ATP9B: variants seen among roughly 807,000 people sequenced by gnomAD.
ATP9B encodes ATPase phospholipid transporting 9B.
In ATP9B, 110 loss-of-function variants were observed where a neutral mutation model predicts 146.1. The observed-to-expected ratio is 0.75, with a 90% CI of 0.65 to 0.88. The LOEUF is 0.88. Ranked by LOEUF, ATP9B falls within the 40% of genes least tolerant of loss-of-function variation. ATP9B has a pLI of 0.00. For missense variants in ATP9B, 1,499 were observed against 1,496.4 expected, an observed-to-expected ratio of 1.00 and a Z score of -0.03; for synonymous variants, 604 against 569.7, an observed-to-expected ratio of 1.06 and a Z score of -0.86.
intron 15 of ATP9B, among the ~76,000 whole-genome samples, chr18:79,319,336 AAT>A (rs1248829997): frequency 3.9e-5 from 6 of 152,234 alleles, no homozygotes; most frequent in Non-Finnish European, 7.3e-5. Context: ...AATGTGAGTG[AAT>A]AGAGAGGGAA....
chr18:79,282,491 C>T (rs2096388419), intron 13 of ATP9B, among the ~76,000 whole-genome samples: 1 of 152,176 alleles, frequency 6.6e-6, no homozygotes, highest in African/African-American at 2.4e-5. Context: ...TAAGACAAGA[C>T]CCTCTACCAG....
intron 15 of ATP9B, among the ~76,000 whole-genome samples, chr18:79,327,713 T>C (rs1600055390): frequency 9.8e-6 from 1 of 102,022 alleles, no homozygotes; most frequent in South Asian, 3.9e-4. Context: ...GCTCTCTCCA[T>C]GGTTAGCGTG....
Position 79,317,376 on chromosome 18 carries a change from AG to A in ATP9B, c.1773+10144del, listed in dbSNP as rs367616241. ...AAATAAAGATAAGCCAGAGACTTGT[AG>A]GAAATGTTTGCAGAATACTTACCTG... On this transcript the variant is annotated intron_variant, in intron 15 of 29. Coordinates refer to ENST00000426216, the MANE Select transcript of ATP9B (RefSeq NM_198531.5). 1.2e-3 allele frequency among the ~76,000 whole-genome samples: 183 copies of A among 152,354 alleles called. 2 individuals are homozygous for A. The highest frequency in any genetic ancestry group is 4.2e-3 in the African/African-American group (173 of 41,576).
chr18:79,289,121 T>A (rs549422862), intron 13 of ATP9B, among the ~76,000 whole-genome samples: 1 of 152,138 alleles, frequency 6.6e-6, no homozygotes, highest in African/African-American at 2.4e-5. Context: ...AGGAGTATCT[T>A]TGTGGAGTTC....
chr18:79,090,015 CAT>C (rs951176992), intron 1 of ATP9B, among the ~76,000 whole-genome samples: 4 of 152,180 alleles, frequency 2.6e-5, no homozygotes, highest in African/African-American at 9.6e-5. Context: ...TGAGTGAGAA[CAT>C]GTGATATTTA....
At chr18:79,304,507 A>C (rs958310458) in intron 14 of ATP9B, among the ~76,000 whole-genome samples, 2 of 152,186 alleles carry the variant, frequency 1.3e-5, no homozygotes, top group South Asian at 4.1e-4. Context: ...AAAAGCTTCA[A>C]GTTTTAGAAC....
At chr18:79,321,102 G>C (rs903246518) in intron 15 of ATP9B, among the ~76,000 whole-genome samples, 2 of 152,148 alleles carry the variant, frequency 1.3e-5, no homozygotes, top group Non-Finnish European at 2.9e-5. Context: ...CTATATTTCA[G>C]ATATACCAAG....
chr18:79,216,623 G>A (rs1171966926), intron 11 of ATP9B, among the ~76,000 whole-genome samples: 1 of 152,198 alleles, frequency 6.6e-6, no homozygotes, highest in Non-Finnish European at 1.5e-5. Context: ...AGGAGGTTCT[G>A]TACTGTCAGC....
intron 11 of ATP9B, among the ~76,000 whole-genome samples, chr18:79,249,017 G>A (rs1007876760): frequency 6.6e-6 from 1 of 151,554 alleles, no homozygotes; most frequent in Non-Finnish European, 1.5e-5. Flanking sequence ...ATTTTGAGAT[G>A]GTTTGAAGTG....
At chr18:79,315,296 T>C (rs1328309473) in intron 15 of ATP9B, among the ~76,000 whole-genome samples, 1 of 152,222 alleles carries the variant, frequency 6.6e-6, no homozygotes, top group Admixed American at 6.5e-5. Context: ...TGTGGGGTTT[T>C]GTCAGATATA....
Position 79,159,220 on chromosome 18 carries a change from A to T in ATP9B, c.778+4665A>T, listed in dbSNP as rs372307037. On this transcript the variant is annotated intron_variant, in intron 7 of 29. Transcript: ENST00000426216. ...TTCTGTCAATCTGCTTGTTTAAAAA[A>T]TCAGCTTTAGTTAGGAAAATTCACA... 4.8e-3 allele frequency among the ~76,000 whole-genome samples: 725 copies of T among 152,326 alleles called. 5 individuals are homozygous for T. Among genetic ancestry groups the T allele is most frequent in the South Asian group, 0.024 (117 of 4,828 alleles).
chr18:79,137,099 AT>A (rs1293786672), intron 5 of ATP9B, among the ~76,000 whole-genome samples: 1 of 152,122 alleles, frequency 6.6e-6, no homozygotes, highest in Non-Finnish European at 1.5e-5. Context: ...CTTTAATTTC[AT>A]TTGTTGTATT....
intron 12 of ATP9B, chr18:79,254,817 T>G (rs1289495531): frequency 6.6e-6 from 1 of 152,612 alleles, no homozygotes; most frequent in Non-Finnish European, 1.5e-5. Context: ...ATGGCTGGGC[T>G]TGTCTTGTCA....
At chr18:79,089,760 TTG>T (rs1424553941) in intron 1 of ATP9B, among the ~76,000 whole-genome samples, 1 of 152,266 alleles carries the variant, frequency 6.6e-6, no homozygotes, top group African/African-American at 2.4e-5. Flanking sequence ...TATCATTTCT[TTG>T]TGTTAGGAAC....
rs1363211873 is a variant in ATP9B at position 79,347,697 on chromosome 18, C to T, written c.2683-73C>T. 4 of 1,454,006 alleles carry T rather than the reference C, an allele frequency of 2.8e-6. No homozygotes were observed. The East Asian group carries it at 9.9e-5, about 36-fold the overall frequency. The allele number at this position is 1,454,006 out of a possible 1,614,324, so 90.1% of individuals were successfully genotyped here. A position where few individuals can be genotyped will look rare whatever the true frequency, so the allele number is the denominator to read the frequency against. On this transcript the variant is annotated intron_variant, in intron 23 of 29. Transcript: ENST00000426216. ...GTCTTTGTAACATTTAGGCTGAGTT[C>T]TAAAACTCACTTTTGGAGTCTGATT... is the stretch of plus-strand genomic sequence containing the variant.
intron 13 of ATP9B, among the ~76,000 whole-genome samples, chr18:79,299,119 C>T (rs548108998): frequency 7.2e-5 from 11 of 152,000 alleles, no homozygotes; most frequent in African/African-American, 2.4e-4. Context: ...TTCTTTCCCC[C>T]ACATTTGACC....
intron 11 of ATP9B, among the ~76,000 whole-genome samples, chr18:79,237,029 G>A (rs1468568505): frequency 2.7e-5 from 1 of 36,400 alleles, no homozygotes; most frequent in South Asian, 1.0e-3. Flanking sequence ...GTCCGTGCAC[G>A]AGTCAGTGTC....
At chr18:79,135,207 A>G (rs988957795) in intron 5 of ATP9B, among the ~76,000 whole-genome samples, 1 of 152,190 alleles carries the variant, frequency 6.6e-6, no homozygotes, top group Non-Finnish European at 1.5e-5. Context: ...CACCAGAGCT[A>G]ATCTCAAGAT....
At chr18:79,193,909 T>G (rs543039167) in intron 9 of ATP9B, among the ~76,000 whole-genome samples, 1 of 152,352 alleles carries the variant, frequency 6.6e-6, no homozygotes, top group African/African-American at 2.4e-5. Flanking sequence ...TCTTGGTCAC[T>G]TGCAGGGATT....
Sources: allele counts gnomAD v4.1 joint callset (sites outside exome capture counted in the v4.1 genomes callset), GRCh38; gene constraint gnomAD v4.1.1; transcripts MANE v1.5; gene names NCBI Gene and HGNC (gene_info 2026-07-23, HGNC 2026-07-21).